The following WNK3 variants were observed in gnomAD, a reference collection of about 807,000 sequenced individuals.
WNK3 encodes the protein serine/threonine-protein kinase WNK3.
A neutral mutation model predicts 116.7 loss-of-function variants in WNK3; 18 were observed. That is an observed-to-expected ratio of 0.15 (90% CI 0.11 to 0.23). The LOEUF (loss-of-function observed/expected upper bound fraction) is 0.23. WNK3 is among the 10% of genes least tolerant of loss of function. WNK3 has a pLI of 1.00. For missense variants in WNK3, 993 were observed against 1,323.8 expected (o/e 0.75, Z 3.88); for synonymous variants, 404 against 469.4 (o/e 0.86, Z 1.80).
At chrX:54,344,943 CAAAAAAAAA>C (rs782685356) in intron 1 of WNK3, among the ~76,000 whole-genome samples, 1 of 46,527 alleles carries the variant, frequency 2.1e-5, no homozygotes, top group African/African-American at 8.6e-5. Flanking sequence ...GACTCCCTCT[CAAAAAAAAA>C]AAAAAAAAAT....
At chrX:54,309,381 A>C (rs2068860422) in intron 3 of WNK3, 66 bp from the exon 4 acceptor site, 12 of 849,420 alleles carry the variant, frequency 1.4e-5, no homozygotes, top group South Asian at 1.4e-4. Flanking sequence ...AACACTATTA[A>C]GGTAAGTTAC....
intron 1 of WNK3, among the ~76,000 whole-genome samples, chrX:54,346,480 T>C (rs2069432024): frequency 9.4e-6 from 1 of 106,646 alleles, no homozygotes; most frequent in South Asian, 4.2e-4. Context: ...ATTGTGCGCC[T>C]GTAGTCCCCG....
At chrX:54,198,988 G>A (rs181782527) in intron 23 of WNK3, among the ~76,000 whole-genome samples, 2 of 110,869 alleles carry the variant, frequency 1.8e-5, no homozygotes, top group African/African-American at 6.6e-5. Flanking sequence ...TGGGTGGTGG[G>A]ATTTGAAGGT....
At chrX:54,227,771 G>A (rs1352174339) in intron 22 of WNK3, among the ~76,000 whole-genome samples, 3 of 112,874 alleles carry the variant, frequency 2.7e-5, no homozygotes, top group African/African-American at 9.6e-5. Context: ...ACCAATATAT[G>A]TTACAACACA....
In WNK3 at chrX:54,312,562, T is replaced by G. The variant is rs782018109; in HGVS notation, c.538-1271A>C. On this transcript the variant is annotated intron_variant, in intron 2 of 23. Coordinates refer to ENST00000354646, the Ensembl canonical transcript of WNK3. ...AAGTGATTCTCCTGCCTCAGCCTCT[T>G]GAGTAGCTGGGATTACAGGTGCCCA... is the stretch of plus-strand genomic sequence containing the variant. 3.0e-4 allele frequency among the ~76,000 whole-genome samples: 33 copies of G among 109,826 alleles called. No homozygotes were observed. The Admixed American group carries it at 3.2e-3, about 10-fold the overall frequency.
chrX:54,220,725 C>T (rs1186002107), intron 22 of WNK3, among the ~76,000 whole-genome samples: 1 of 110,514 alleles, frequency 9.0e-6, no homozygotes, highest in Admixed American at 9.7e-5. Context: ...AATTTTTTTT[C>T]AATTTTGTAC....
chrX:54,240,031 G>A (rs782749517), intron 17 of WNK3, among the ~76,000 whole-genome samples: 212 of 112,351 alleles, frequency 1.9e-3, no homozygotes, highest in African/African-American at 6.3e-3. Context: ...AGGGCTGGGC[G>A]CAGTGGCTCA....
intron 2 of WNK3, among the ~76,000 whole-genome samples, chrX:54,331,519 A>G (rs150500466): frequency 4.7e-4 from 52 of 110,616 alleles, no homozygotes; most frequent in African/African-American, 1.6e-3. Flanking sequence ...TATTTCTACT[A>G]CAATGTATAC....
intron 5 of WNK3, among the ~76,000 whole-genome samples, chrX:54,302,757 A>ATATATATTTTT (rs1557167848): frequency 2.3e-5 from 1 of 43,367 alleles, no homozygotes; most frequent in African/African-American, 1.1e-4. Flanking sequence ...ATATATATAT[A>ATATATATTTTT]TTTTTTTTTT....
intron 7 of WNK3, among the ~76,000 whole-genome samples, chrX:54,297,379 C>A (rs782573299): frequency 7.2e-5 from 8 of 110,833 alleles, no homozygotes; most frequent in Non-Finnish European, 1.5e-4. Context: ...GAGTTCGAGA[C>A]CAGCCTGGCT....
At position 54,238,464 on chromosome X, in the gene WNK3, C is replaced by T. The variant is rs782021146; in HGVS notation, c.3892G>A (p.Glu1298Lys). The change falls in exon 19 of 24, where the codon GAA (glutamate) becomes AAA (lysine). Residue 1298 changes from glutamate to lysine, a missense_variant. Coordinates refer to ENST00000354646, the Ensembl canonical transcript of WNK3. ...GGAGCAATTGCTGATCTCATCTCTT[C>T]TGTTTCCACTGCAAGTTTTGCCAAA... 11 of 1,200,691 alleles carry T rather than the reference C, an allele frequency of 9.2e-6. No homozygotes were observed. The South Asian group carries it at 2.0e-4, about 22-fold the overall frequency.
rs782274374 is a variant in WNK3 at position 54,238,376 on chromosome X, G to A, written c.3980C>T (p.Ala1327Val). The change falls in exon 19 of 24, where the codon GCG (alanine) becomes GTG (valine). Residue 1327 changes from alanine to valine, a missense_variant. Ala to Val is a moderately conservative substitution (Grantham distance 64). Around this residue, in one of 4 missense-constraint regions of WNK3, gnomAD observed 836 missense variants for 976.5 expected, o/e 0.86. Transcript: ENST00000354646. ...ACCCCGCTGAAATGATCCACTCATC[G>A]CTTTACATCTATTCAAAGCCCTAGT... 8.3e-6 allele frequency: 10 copies of A among 1,208,644 alleles called. No individual in the cohort carries two copies. The African/African-American group carries it at 1.0e-4, about 13-fold the overall frequency.
At chrX:54,197,488 G>T (rs782421084) in exon 24 of WNK3, 2 of 110,768 alleles carry the variant, frequency 1.8e-5, no homozygotes, top group African/African-American at 6.6e-5. Context: ...TTTTTGGGGG[G>T]GCTAAGGAGG....
intron 4 of WNK3, among the ~76,000 whole-genome samples, chrX:54,308,847 T>C (rs1286547270): frequency 5.4e-5 from 6 of 111,989 alleles, no homozygotes; most frequent in African/African-American, 1.9e-4. Context: ...TAGTAAACTG[T>C]TTAGGTTTTG....
intron 10 of WNK3, among the ~76,000 whole-genome samples, chrX:54,289,202 T>G (rs2068612010): frequency 9.0e-6 from 1 of 110,665 alleles, no homozygotes; most frequent in Non-Finnish European, 1.9e-5. Flanking sequence ...GGATAAGAAG[T>G]CTGCACAGAA....
At chrX:54,265,542 G>T (rs2068300369) in intron 10 of WNK3, among the ~76,000 whole-genome samples, 2 of 111,546 alleles carry the variant, frequency 1.8e-5, no homozygotes, top group Admixed American at 1.9e-4. Flanking sequence ...AGAGAGTTGT[G>T]CAGGGGAGTC....
chrX:54,250,748 C>T (rs781827489), intron 15 of WNK3, among the ~76,000 whole-genome samples: 2 of 110,934 alleles, frequency 1.8e-5, no homozygotes, highest in Non-Finnish European at 3.8e-5. Flanking sequence ...TCTATTACTC[C>T]CACACCACCT....
intron 1 of WNK3, among the ~76,000 whole-genome samples, chrX:54,346,726 A>G (rs1427150908): frequency 5.4e-5 from 6 of 111,281 alleles, no homozygotes; most frequent in African/African-American, 2.0e-4. Flanking sequence ...ATCATTCTTC[A>G]TTGCATTTGT....
chrX:54,342,744 A>G (rs1218059899), intron 1 of WNK3, among the ~76,000 whole-genome samples: 2 of 111,235 alleles, frequency 1.8e-5, no homozygotes, highest in African/African-American at 6.5e-5. Flanking sequence ...CAACAATAAA[A>G]TGTAATAGCT....
Sources: gnomAD v4.1 joint callset for allele counts (sites outside exome capture counted in the v4.1 genomes callset) on GRCh38, gnomAD v4.1.1 for gene constraint, gnomAD v4.1.1 regional missense constraint, MANE v1.5 for transcripts, NCBI Gene and HGNC (gene_info 2026-07-23, HGNC 2026-07-21) for gene names.